Variants in RSRC1 observed in about 807,000 individuals in gnomAD.
RSRC1 encodes the protein serine/Arginine-related protein 53.
In RSRC1, 39 loss-of-function variants were observed where a neutral mutation model predicts 49.1. That is an observed-to-expected ratio of 0.79 (90% CI 0.61 to 1.04). RSRC1 has a LOEUF of 1.04. Ranked by LOEUF, RSRC1 falls within the 50% of genes least tolerant of loss-of-function variation. The pLI, the probability that RSRC1 is intolerant of heterozygous loss-of-function variation, is 0.00. For synonymous variants in RSRC1, 143 were observed against 130.8 expected, an observed-to-expected ratio of 1.09 and a Z score of -0.63; for missense variants, 388 against 402.4, an observed-to-expected ratio of 0.96 and a Z score of 0.31.
chr3:158,329,140 A>G (rs12330339), intron 5 of RSRC1, among the ~76,000 whole-genome samples: 1,810 of 152,274 alleles, frequency 0.012, 31 homozygotes, highest in African/African-American at 0.042. Context: ...CCATTCATCT[A>G]ATCTTTTTTC....
intron 7 of RSRC1, chr3:158,469,226 A>T (rs1386340513): frequency 1.6e-5 from 5 of 313,482 alleles, no homozygotes; most frequent in South Asian, 1.4e-4. Flanking sequence ...CATCTAGTTG[A>T]TCTAAAAACT....
rs185655759 is a variant in RSRC1 at position 158,532,764 on chromosome 3, T to C, written c.653-4328T>C. On this transcript the variant is annotated intron_variant, in intron 7 of 9. Coordinates refer to ENST00000611884, the MANE Select transcript of RSRC1 (RefSeq NM_001271838.2). ...TACAAATAATATGTTTATTAAAAAA[T>C]CATCAAGTACTAATGGTGTGTTTCC... 2.1e-4 allele frequency among the ~76,000 whole-genome samples: 32 copies of C among 151,940 alleles called. No individual in the cohort carries two copies. The East Asian group carries it at 3.9e-3, about 18-fold the overall frequency.
In RSRC1 at chr3:158,255,655, C is replaced by A. The variant is rs1377029951; in HGVS notation, c.495-42384C>A. Among the ~76,000 whole-genome samples, 3 of 152,172 alleles carry A rather than the reference C, an allele frequency of 2.0e-5. No homozygotes were observed. In the East Asian group the frequency reaches 5.8e-4, roughly 29 times the overall value. ...CATTGAATCTATAAATTACCTTGGGCAGTATGGCCATTTTGATTCTTCCTG... is the reference window on the plus strand; with the variant it reads ...CATTGAATCTATAAATTACCTTGGGAAGTATGGCCATTTTGATTCTTCCTG... On this transcript the variant is annotated intron_variant, in intron 4 of 9. Coordinates refer to ENST00000611884, the MANE Select transcript of RSRC1 (RefSeq NM_001271838.2).
At position 158,234,339 on chromosome 3, in the gene RSRC1, G is replaced by A. The variant is rs76690134; in HGVS notation, c.494+31094G>A. 1.8e-4 allele frequency among the ~76,000 whole-genome samples: 28 copies of A among 152,258 alleles called. No individual in the cohort carries two copies. The East Asian group carries it at 3.1e-3, about 17-fold the overall frequency. On this transcript the variant is annotated intron_variant, in intron 4 of 9. Coordinates refer to ENST00000611884, the MANE Select transcript of RSRC1 (RefSeq NM_001271838.2). The stretch of plus-strand genomic sequence containing the variant: ...GTTAAACTGATAATCAGAAACTGAA[G>A]TTTAGCTTCCACCTTGTGATAGCAA...
chr3:158,194,054 TACACACACACACACACACACAC>T lies in RSRC1; in HGVS notation c.321-8990_321-8969del, dbSNP rs10530687. ...GGGCAAAATAGTGAGACCCCGTCTA[TACACACACACACACACACACAC>T]ACACACACACACACACACACACACA... On this transcript the variant is annotated intron_variant, in intron 3 of 9. Transcript: ENST00000611884. Among the ~76,000 whole-genome samples the T allele has an allele frequency of 2.6e-3, 371 of 143,776 alleles. 2 individuals carry two copies. Among genetic ancestry groups the T allele is most frequent in the African/African-American group, 5.8e-3 (220 of 38,172 alleles). The allele number at this position is 143,776 out of a possible 152,430, so 94.3% of individuals were successfully genotyped here.
At chr3:158,367,809 G>A (rs897519658) in intron 6 of RSRC1, among the ~76,000 whole-genome samples, 1 of 151,768 alleles carries the variant, frequency 6.6e-6, no homozygotes, top group Non-Finnish European at 1.5e-5. Flanking sequence ...AAAATTTGAT[G>A]TCAAATTGAA....
At chr3:158,179,794 T>C (rs1225347402) in intron 3 of RSRC1, among the ~76,000 whole-genome samples, 2 of 152,208 alleles carry the variant, frequency 1.3e-5, no homozygotes, top group African/African-American at 4.8e-5. Flanking sequence ...CATGTTTCAT[T>C]TTGTAATAAA....
chr3:158,540,434 C>G (rs1202603884), intron 8 of RSRC1, among the ~76,000 whole-genome samples: 2 of 152,092 alleles, frequency 1.3e-5, no homozygotes, highest in Non-Finnish European at 2.9e-5. Context: ...TGTAAGAATT[C>G]CTAAACATAC....
intron 7 of RSRC1, among the ~76,000 whole-genome samples, chr3:158,536,052 T>A (rs764704365): frequency 6.6e-6 from 1 of 151,350 alleles, no homozygotes; most frequent in Non-Finnish European, 1.5e-5. Context: ...AGTGAGAGAT[T>A]AATGGAGAAC....
In RSRC1 at chr3:158,390,559, CATTT is replaced by C. The variant is rs939633917; in HGVS notation, c.583+35655_583+35658del. On this transcript the variant is annotated intron_variant, in intron 6 of 9. Transcript: ENST00000611884. ...TTTTTGTAGTAACTATTTTATGGAG[CATTT>C]ATTATTTACTAGGGATTATACTAAC... Among the ~76,000 whole-genome samples the C allele has an allele frequency of 5.0e-4, 76 of 152,062 alleles. 2 individuals carry two copies. The highest frequency in any genetic ancestry group is 1.2e-4 in the Non-Finnish European group (8 of 67,962).
rs1491453424 is a variant in RSRC1 at position 158,348,582 on chromosome 3, TTA to T, written c.532-6273_532-6272del. On this transcript the variant is annotated intron_variant, in intron 5 of 9. Transcript: ENST00000611884. ...TTTTTGTGTGTTTTTTTAAATTATT[TTA>T]TTTTTTTTTATTTTAGAGTTTGGGG... Among the ~76,000 whole-genome samples, 212 of 125,640 alleles carry T rather than the reference TTA, an allele frequency of 1.7e-3. 1 individual carries two copies. Among genetic ancestry groups the T allele is most frequent in the Middle Eastern group, 3.8e-3 (1 of 262 alleles). The allele number at this position is 125,640 out of a possible 152,430, so 82.4% of individuals were successfully genotyped here.
At chr3:158,256,293 G>T (rs1455752596) in intron 4 of RSRC1, among the ~76,000 whole-genome samples, 14 of 152,062 alleles carry the variant, frequency 9.2e-5, no homozygotes, top group Admixed American at 9.2e-4. Context: ...TTTGTCGATG[G>T]CCTTTTCAGC....
Position 158,537,181 on chromosome 3 carries a change from A to C in RSRC1, c.742A>C (p.Ser248Arg), listed in dbSNP as rs202130831. 13 of 1,585,674 alleles carry C rather than the reference A, an allele frequency of 8.2e-6. No homozygotes were observed. The East Asian group carries it at 1.8e-4, about 22-fold the overall frequency. ...DSFVQQTFRSSKEVKKSVEPS... is the reference protein window; with the variant it reads ...DSFVQQTFRSRKEVKKSVEPS... ...TTTTGTTCAGCAGACATTCAGATCA[A>C]GTAAAGAAGTCAAAAAGGTAAGTTT... Residue 248 changes from serine (S) to arginine (R), a missense_variant, in exon 8 of 10, where the codon AGT becomes CGT. Coordinates refer to ENST00000611884, the MANE Select transcript of RSRC1 (RefSeq NM_001271838.2).
rs147330695 is a variant in RSRC1 at position 158,119,361 on chromosome 3, A to G, written c.-2-2742A>G. Among the ~76,000 whole-genome samples, 34 of 152,322 alleles carry G rather than the reference A, an allele frequency of 2.2e-4. No individual in the cohort carries two copies. In the East Asian group the frequency reaches 5.8e-3, roughly 26 times the overall value. ...TTTCACTTGCCAAAAGTTTGTTGAC[A>G]TATCTCATGTTCCTGTTGTTTTCTA... On this transcript the variant is annotated intron_variant, in intron 1 of 9. Coordinates refer to ENST00000611884, the MANE Select transcript of RSRC1 (RefSeq NM_001271838.2).
At chr3:158,364,174 GAATTAC>G (rs1380055215) in intron 6 of RSRC1, among the ~76,000 whole-genome samples, 1 of 152,170 alleles carries the variant, frequency 6.6e-6, no homozygotes, top group Non-Finnish European at 1.5e-5. Context: ...GTAATTCAAA[GAATTAC>G]AAATCAGATT....
chr3:158,359,697 C>T (rs1042930004), intron 6 of RSRC1, among the ~76,000 whole-genome samples: 3 of 152,198 alleles, frequency 2.0e-5, no homozygotes, highest in African/African-American at 2.4e-5. Flanking sequence ...TCCCCCAAAG[C>T]ACCACAGCTC....
At chr3:158,281,583 T>C (rs1726172429) in intron 4 of RSRC1, among the ~76,000 whole-genome samples, 2 of 152,132 alleles carry the variant, frequency 1.3e-5, no homozygotes. Context: ...AGCCATTTTT[T>C]TGAGAAAATG....
Position 158,341,503 on chromosome 3 carries a change from G to A in RSRC1, c.532-13354G>A, listed in dbSNP as rs147137822. 2.6e-3 allele frequency among the ~76,000 whole-genome samples: 399 copies of A among 152,308 alleles called. 4 individuals are homozygous for A. The highest frequency in any genetic ancestry group is 9.2e-3 in the African/African-American group (381 of 41,568). On this transcript the variant is annotated intron_variant, in intron 5 of 9. Coordinates refer to ENST00000611884, the MANE Select transcript of RSRC1 (RefSeq NM_001271838.2). ...GCTTCCAGGTGTTATTAAGCCTGCA[G>A]GTGCACAGAAGTCATGAATTGAGGG...
At position 158,395,260 on chromosome 3, in the gene RSRC1, C is replaced by T. The variant is rs558733835; in HGVS notation, c.583+40352C>T. Among the ~76,000 whole-genome samples the T allele has an allele frequency of 1.1e-4, 16 of 152,168 alleles. No individual in the cohort carries two copies. The Middle Eastern group carries it at 0.02, about 194-fold the overall frequency. On this transcript the variant is annotated intron_variant, in intron 6 of 9. Transcript: ENST00000611884. Reference sequence around the variant, plus strand: ...ATAACCTAGGAAATGTCATCCTTGACATAGGAATGGGCAAAGATTTCACGA... The same window carrying T: ...ATAACCTAGGAAATGTCATCCTTGATATAGGAATGGGCAAAGATTTCACGA...
Sources: allele counts gnomAD v4.1 joint callset (sites outside exome capture counted in the v4.1 genomes callset), GRCh38; gene constraint gnomAD v4.1.1; transcripts MANE v1.5; gene names NCBI Gene and HGNC (gene_info 2026-07-23, HGNC 2026-07-21).